ELF2: variants seen among roughly 807,000 people sequenced by gnomAD.
ELF2 encodes the protein E74 like ETS transcription factor 2, also known as ETS-related transcription factor Elf-2.
In ELF2, 11 loss-of-function variants were observed where a neutral mutation model predicts 54.8. The observed-to-expected ratio is 0.20, with a 90% CI of 0.13 to 0.33. ELF2 has a LOEUF of 0.33. ELF2 is among the 10% of genes least tolerant of loss of function. ELF2 has a pLI of 1.00. For synonymous variants in ELF2, 203 were observed against 245.1 expected, an observed-to-expected ratio of 0.83 and a Z score of 1.61; for missense variants, 513 against 703.0, an observed-to-expected ratio of 0.73 and a Z score of 3.06.
chr4:139,118,430 G>T (rs1560831565), intron 4 of ELF2, among the ~76,000 whole-genome samples: 1 of 152,116 alleles, frequency 6.6e-6, no homozygotes, highest in Non-Finnish European at 1.5e-5. Context: ...CAAACACTCA[G>T]AAGCATAAAT....
chr4:139,134,099 T>G (rs1455894601), intron 3 of ELF2, among the ~76,000 whole-genome samples: 1 of 152,232 alleles, frequency 6.6e-6, no homozygotes, highest in Non-Finnish European at 1.5e-5. Flanking sequence ...CTGTGGGTTT[T>G]TCACAGATTC....
intron 4 of ELF2, chr4:139,115,448 T>TG: frequency 1.0e-6 from 1 of 973,626 alleles, no homozygotes; most frequent in Non-Finnish European, 1.2e-6. Context: ...CCCGGCTGGC[T>TG]GGGGTTAGCT....
intron 4 of ELF2, among the ~76,000 whole-genome samples, chr4:139,117,136 GAGCAAAGTCC>G (rs925522290): frequency 3.3e-5 from 5 of 152,068 alleles, no homozygotes; most frequent in Admixed American, 2.0e-4. Flanking sequence ...CGTGGTTAAG[GAGCAAAGTCC>G]TGTCCCCAGT....
chr4:139,161,055 C>T (rs1272432686), intron 1 of ELF2, among the ~76,000 whole-genome samples: 1 of 152,000 alleles, frequency 6.6e-6, no homozygotes, highest in African/African-American at 2.4e-5. Flanking sequence ...CACACGTGTG[C>T]CTAGATATGT....
intron 4 of ELF2, among the ~76,000 whole-genome samples, chr4:139,115,589 A>G (rs1263914766): frequency 3.3e-5 from 5 of 151,908 alleles, no homozygotes; most frequent in East Asian, 1.9e-4. Context: ...CACAGGCCTC[A>G]TATTTTAATG....
At chr4:139,142,705 C>A (rs1437391765) in intron 1 of ELF2, among the ~76,000 whole-genome samples, 1 of 151,852 alleles carries the variant, frequency 6.6e-6, no homozygotes, top group Non-Finnish European at 1.5e-5. Flanking sequence ...CAGGCTGGGA[C>A]CAGAGTGGTA....
intron 4 of ELF2, among the ~76,000 whole-genome samples, chr4:139,079,489 G>A (rs189184215): frequency 4.6e-4 from 70 of 152,234 alleles, no homozygotes; most frequent in African/African-American, 1.6e-3. Flanking sequence ...CCAGAATCCG[G>A]GTCAGAGAGT....
intron 3 of ELF2, among the ~76,000 whole-genome samples, chr4:139,134,200 G>A (rs1737856216): frequency 6.6e-6 from 1 of 151,968 alleles, no homozygotes; most frequent in South Asian, 2.1e-4. Flanking sequence ...TGGGTTTTCT[G>A]TAACTGCTGA....
chr4:139,134,529 A>G (rs1181647694), intron 3 of ELF2, among the ~76,000 whole-genome samples: 1 of 144,836 alleles, frequency 6.9e-6, no homozygotes, highest in African/African-American at 2.5e-5. Flanking sequence ...GCTAGTATTT[A>G]TTGTATTGTA....
At chr4:139,096,568 T>TGG (rs1343755967) in intron 4 of ELF2, among the ~76,000 whole-genome samples, 7 of 151,552 alleles carry the variant, frequency 4.6e-5, no homozygotes, top group Admixed American at 6.6e-5. Flanking sequence ...TTCAAGCGAT[T>TGG]CTCCTGCCTC....
rs1733086915 is a variant in ELF2, at chr4:139,094,907, ATCT to A, written c.239-21343_239-21341del. On this transcript the variant is annotated intron_variant, in intron 4 of 9. Transcript: ENST00000686138. ...TTGTTTTTTTACTATTATCAATGGG[ATCT>A]TTTTTGTTTCATTTTCTTATTGATT... 5.3e-5 allele frequency among the ~76,000 whole-genome samples: 8 copies of A among 151,850 alleles called. 1 individual carries two copies. The South Asian group carries it at 1.7e-3, about 32-fold the overall frequency.
intron 1 of ELF2, among the ~76,000 whole-genome samples, chr4:139,175,975 C>G (rs1742872139): frequency 1.3e-5 from 2 of 152,168 alleles, no homozygotes; most frequent in South Asian, 4.1e-4. Context: ...TTTTTGAGTC[C>G]TTTATGGACA....
chr4:139,071,391 CG>C (rs1401356276), intron 6 of ELF2, among the ~76,000 whole-genome samples: 7 of 151,756 alleles, frequency 4.6e-5, no homozygotes, highest in African/African-American at 1.7e-4. Flanking sequence ...CAAACTCCTG[CG>C]CTCACGAAAT....
At chr4:139,099,559 C>T (rs1434736296) in intron 4 of ELF2, among the ~76,000 whole-genome samples, 4 of 152,170 alleles carry the variant, frequency 2.6e-5, no homozygotes, top group African/African-American at 9.7e-5. Context: ...CACAGAAGTA[C>T]ACAACTACCA....
intron 1 of ELF2, among the ~76,000 whole-genome samples, chr4:139,142,387 A>G (rs1317474443): frequency 6.8e-6 from 1 of 148,024 alleles, no homozygotes; most frequent in Non-Finnish European, 1.5e-5. Flanking sequence ...GCTGAAGTGA[A>G]GTGAGCAAGA....
At chr4:139,177,262 C>G (rs1266457646), upstream of ELF2, 1 of 150,160 alleles carries the variant, frequency 6.7e-6, no homozygotes, top group Non-Finnish European at 1.5e-5. Context: ...TCCCTCCACC[C>G]CCCGCCTCGG....
At chr4:139,068,396 G>A (rs1396330737) in intron 6 of ELF2, among the ~76,000 whole-genome samples, 1 of 152,200 alleles carries the variant, frequency 6.6e-6, no homozygotes, top group African/African-American at 2.4e-5. Context: ...TCTACAGGAT[G>A]GTGAGAAACA....
At chr4:139,176,224 A>G (rs780522625) in intron 1 of ELF2, among the ~76,000 whole-genome samples, 8 of 152,200 alleles carry the variant, frequency 5.3e-5, no homozygotes, top group Non-Finnish European at 1.0e-4. Context: ...TTCCGATCCG[A>G]GCAAAGCCTC....
At chr4:139,063,283 T>C (rs1307394762) in intron 7 of ELF2, among the ~76,000 whole-genome samples, 2 of 151,918 alleles carry the variant, frequency 1.3e-5, no homozygotes, top group African/African-American at 4.8e-5. Context: ...AAAAAGAACA[T>C]TACTGCCTCT....
Sources: allele counts gnomAD v4.1 joint callset (sites outside exome capture counted in the v4.1 genomes callset), GRCh38; gene constraint gnomAD v4.1.1; transcripts MANE v1.5; gene names NCBI Gene and HGNC (gene_info 2026-07-23, HGNC 2026-07-21).